FEZ2: variants seen among roughly 807,000 people sequenced by gnomAD.
FEZ2 encodes the protein fasciculation and elongation protein zeta 2.
In FEZ2, 51 loss-of-function variants were observed where a neutral mutation model predicts 40.4. The ratio of observed to expected loss-of-function variants is 1.26; its 90% CI spans 1.01 to 1.59. The LOEUF (loss-of-function observed/expected upper bound fraction) is 1.59. Ranked by LOEUF, FEZ2 falls within the 40% of genes most tolerant of loss-of-function variation. FEZ2 has a pLI of 0.00. For missense variants in FEZ2, 640 were observed against 438.3 expected (o/e 1.46, Z -4.11); for synonymous variants, 242 against 172.0 (o/e 1.41, Z -3.18).
rs34787798 is a variant in FEZ2 at position 36,572,017 on chromosome 2, G to GAAAAA, written c.903+6575_903+6579dup. The stretch of plus-strand genomic sequence containing the variant: ...GCGGCTGAGTGAGACTCCGTCTCAG[G>GAAAAA]AAAAAAAAAAAAAAAAAAAAAAAAA... On this transcript the variant is annotated intron_variant, in intron 5 of 7. Coordinates refer to ENST00000405912, the MANE Select transcript of FEZ2 (RefSeq NM_005102.3). 1.3e-3 allele frequency among the ~76,000 whole-genome samples: 140 copies of GAAAAA among 110,096 alleles called. 2 individuals carry two copies. Among genetic ancestry groups the GAAAAA allele is most frequent in the African/African-American group, 4.1e-3 (132 of 32,098 alleles). 72.2% of individuals were successfully genotyped at this position (110,096 alleles called of 152,430 possible). A position where few individuals can be genotyped will look rare whatever the true frequency, so the allele number is the denominator to read the frequency against.
Position 36,578,198 on chromosome 2 carries a change from C to G in FEZ2, c.903+399G>C, listed in dbSNP as rs1366053935. Reference sequence around the variant, plus strand: ...CCTCTAAATAAACCCCTTCTAATTTCTTATCACACAACTCGTAAGAGTTCA... The same window carrying G: ...CCTCTAAATAAACCCCTTCTAATTTGTTATCACACAACTCGTAAGAGTTCA... On this transcript the variant is annotated intron_variant, in intron 5 of 7. Transcript: ENST00000405912. Among the ~76,000 whole-genome samples the G allele has an allele frequency of 2.0e-5, 3 of 152,312 alleles. No homozygotes were observed. The East Asian group carries it at 5.8e-4, about 29-fold the overall frequency.
chr2:36,587,819 T>C (rs1019002228), intron 2 of FEZ2, among the ~76,000 whole-genome samples: 2 of 152,188 alleles, frequency 1.3e-5, no homozygotes, highest in Admixed American at 1.3e-4. Flanking sequence ...CTTAATTATA[T>C]ACCATGTAAT....
intron 5 of FEZ2, among the ~76,000 whole-genome samples, chr2:36,568,468 C>T (rs540460775): frequency 6.6e-6 from 1 of 152,152 alleles, no homozygotes; most frequent in East Asian, 1.9e-4. Context: ...CTACCATTTC[C>T]AAGTTTGAAA....
intron 6 of FEZ2, chr2:36,557,333 C>G (rs927694799): frequency 1.3e-5 from 2 of 152,120 alleles, no homozygotes; most frequent in African/African-American, 4.8e-5. Context: ...TTCAGACTGG[C>G]TGGCATCACT....
At position 36,596,676 on chromosome 2, in the gene FEZ2, C is replaced by T. The variant is rs142361806; in HGVS notation, c.266+1201G>A. The stretch of plus-strand genomic sequence containing the variant: ...AAAGACCAGATTTCACGATATTGCC[C>T]AGTCTGGTCTCGAACTGCTGGAAGC... On this transcript the variant is annotated intron_variant, in intron 1 of 7. Coordinates refer to ENST00000405912, the MANE Select transcript of FEZ2 (RefSeq NM_005102.3). Among the ~76,000 whole-genome samples, 3 of 152,226 alleles carry T rather than the reference C, an allele frequency of 2.0e-5. No individual in the cohort carries two copies. In the East Asian group the frequency reaches 5.8e-4, roughly 29 times the overall value.
At chr2:36,593,693 T>G (rs1337226761) in intron 1 of FEZ2, among the ~76,000 whole-genome samples, 1 of 152,048 alleles carries the variant, frequency 6.6e-6, no homozygotes, top group Non-Finnish European at 1.5e-5. Flanking sequence ...TGTTCCTTTT[T>G]GGGCCTCCAG....
chr2:36,555,958 G>A (rs1459683686), intron 6 of FEZ2: 10 of 665,238 alleles, frequency 1.5e-5, no homozygotes, highest in Non-Finnish European at 2.2e-5. Context: ...TTTATTTTCG[G>A]TAAGAATATC....
chr2:36,555,882 T>A (rs1241274896), intron 6 of FEZ2, 134 bp from the exon 7 acceptor site: 1 of 660,590 alleles, frequency 1.5e-6, no homozygotes, highest in East Asian at 2.8e-5. Flanking sequence ...ATAGGTGATT[T>A]TCCTGATAAG....
Position 36,578,700 on chromosome 2 carries a change from T to C in FEZ2, c.800A>G (p.Gln267Arg), listed in dbSNP as rs779111656. ...NSFISVLIEV[Q>R]NKQKEHKETA... ...TTCTTTGTGCTCTTTCTGTTTGTTT[T>C]GCACTTCAATAAGAACAGAAATAAA... The change falls in exon 5 of 8, where the codon CAA becomes CGA. Residue 267 changes from glutamine (Q) to arginine (R), a missense_variant. Gln to Arg is a conservative substitution (Grantham distance 43, BLOSUM62 1). Transcript: ENST00000405912. 17 of 1,613,922 alleles carry C rather than the reference T, an allele frequency of 1.1e-5. No homozygotes were observed. The highest frequency in any genetic ancestry group is 1.3e-5 in the Non-Finnish European group (15 of 1,179,900).
chr2:36,588,089 C>A (rs1002984649), intron 2 of FEZ2, among the ~76,000 whole-genome samples: 7 of 151,972 alleles, frequency 4.6e-5, no homozygotes, highest in African/African-American at 1.7e-4. Context: ...AGTGCAGTGG[C>A]GTGATCTCGG....
chr2:36,597,886 T>TA lies in FEZ2; in HGVS notation c.256_257insT (p.Gln86LeufsTer12), dbSNP rs1669280485. ...GGGGCCCCGCACTCACTCGTCCCCC[T>TA]GCAGGAGGCTGCGCTCCGTGATGGG... On this transcript the variant is annotated frameshift_variant, in exon 1 of 8. Transcript: ENST00000405912. LOFTEE classifies it high-confidence loss of function. 1.4e-6 allele frequency: 2 copies of TA among 1,382,180 alleles called. No homozygotes were observed. Among genetic ancestry groups the TA allele is most frequent in the East Asian group, 6.1e-5 (2 of 32,566 alleles). The allele number at this position is 1,382,180 out of a possible 1,614,324, so 85.6% of individuals were successfully genotyped here.
intron 1 of FEZ2, chr2:36,594,408 ACTTACAGTT>A (rs1669154081): frequency 5.7e-6 from 1 of 175,208 alleles, no homozygotes. Flanking sequence ...GTTTAATTGG[ACTTACAGTT>A]CCACATGGCT....
chr2:36,554,689 C>T lies in FEZ2; in HGVS notation c.1045+994G>A, dbSNP rs994724894. On this transcript the variant is annotated intron_variant, in intron 7 of 7. Coordinates refer to ENST00000405912, the MANE Select transcript of FEZ2 (RefSeq NM_005102.3). Reference sequence around the variant, plus strand: ...ACTAGTGTCTAGCTCATGCTTCTTACTCTCACCGCATCAAGACTCTTACAA... The same window carrying T: ...ACTAGTGTCTAGCTCATGCTTCTTATTCTCACCGCATCAAGACTCTTACAA... 2.0e-5 allele frequency among the ~76,000 whole-genome samples: 3 copies of T among 152,214 alleles called. No homozygotes were observed. In the East Asian group the frequency reaches 5.8e-4, roughly 29 times the overall value.
intron 1 of FEZ2, 95 bp from the exon 2 acceptor site, chr2:36,591,106 G>A: frequency 1.3e-6 from 1 of 769,726 alleles, no homozygotes; most frequent in Non-Finnish European, 2.2e-6. Context: ...AAATGTCAAA[G>A]GAAACAGAGA....
chr2:36,597,954 G>A lies in FEZ2; in HGVS notation c.189C>T (p.Arg63=). 4 of 1,465,814 alleles carry A rather than the reference G, an allele frequency of 2.7e-6. No homozygotes were observed. The highest frequency in any genetic ancestry group is 3.0e-5 in the East Asian group (1 of 33,844). The allele number at this position is 1,465,814 out of a possible 1,614,324, so 90.8% of individuals were successfully genotyped here. Residue 63 remains arginine, a synonymous_variant, in exon 1 of 8, where the codon CGC becomes CGT. Coordinates refer to ENST00000405912, the MANE Select transcript of FEZ2 (RefSeq NM_005102.3). ...SLEEKLSLCF[R]PSDPGAEPPR... ...GGGGCTCGGCGCCCGGATCCGAGGG[G>A]CGGAAGCACAGGCTCAGCTTCTCCT...
chr2:36,568,383 C>A (rs946264094), intron 5 of FEZ2, among the ~76,000 whole-genome samples: 3 of 152,058 alleles, frequency 2.0e-5, no homozygotes, highest in African/African-American at 7.2e-5. Context: ...AAAGAAAAAA[C>A]AATTTGTTAC....
intron 1 of FEZ2, chr2:36,594,494 G>C (rs754093362): frequency 5.1e-6 from 1 of 196,476 alleles, no homozygotes; most frequent in Non-Finnish European, 1.0e-5. Context: ...AAGGGAAAAT[G>C]AGGAAGGAGC....
chr2:36,594,897 G>A (rs1669169452), intron 1 of FEZ2, among the ~76,000 whole-genome samples: 1 of 152,224 alleles, frequency 6.6e-6, no homozygotes, highest in Admixed American at 6.5e-5. Context: ...CCAACTAACA[G>A]TCTCCACCAA....
intron 2 of FEZ2, among the ~76,000 whole-genome samples, chr2:36,585,261 G>A (rs777049048): frequency 2.6e-5 from 4 of 152,148 alleles, no homozygotes; most frequent in Admixed American, 2.0e-4. Context: ...GCAGGGGCTA[G>A]GATAAAGACA....
Sources: allele counts gnomAD v4.1 joint callset (sites outside exome capture counted in the v4.1 genomes callset), GRCh38; gene constraint gnomAD v4.1.1; transcripts MANE v1.5; gene names NCBI Gene and HGNC (gene_info 2026-07-23, HGNC 2026-07-21).